PIGU: variants seen among roughly 807,000 people sequenced by gnomAD.
PIGU encodes GPI-anchor transamidase component PIGU.
A neutral mutation model predicts 49.9 loss-of-function variants in PIGU; 24 were observed. The ratio of observed to expected loss-of-function variants is 0.48; its 90% CI spans 0.35 to 0.68. The LOEUF (loss-of-function observed/expected upper bound fraction) is 0.68, where lower values mean the gene tolerates loss of function less well. Among genes scored for constraint, PIGU ranks in the 30% least tolerant of loss-of-function variants. The pLI, the probability that PIGU is intolerant of heterozygous loss-of-function variation, is 0.01. For missense variants in PIGU, 490 were observed against 532.6 expected, an observed-to-expected ratio of 0.92 and a Z score of 0.79; for synonymous variants, 220 against 205.7, an observed-to-expected ratio of 1.07 and a Z score of -0.59.
At chr20:34,592,326 C>T (rs1247216635) in intron 7 of PIGU, among the ~76,000 whole-genome samples, 1 of 146,444 alleles carries the variant, frequency 6.8e-6, no homozygotes, top group Non-Finnish European at 1.5e-5. Flanking sequence ...TAATAAAGAA[C>T]AGAATTTGTT....
chr20:34,578,528 C>T (rs766349408), intron 10 of PIGU, among the ~76,000 whole-genome samples: 1 of 152,202 alleles, frequency 6.6e-6, no homozygotes, highest in Non-Finnish European at 1.5e-5. Flanking sequence ...TCTGTGCCTC[C>T]AGCCAGGGAC....
chr20:34,646,151 A>T (rs1189352677), intron 2 of PIGU, among the ~76,000 whole-genome samples: 1 of 152,084 alleles, frequency 6.6e-6, no homozygotes, highest in East Asian at 1.9e-4. Context: ...GGGAAAATTC[A>T]CTCACTGTGA....
chr20:34,671,756 C>T (rs1987312274), intron 1 of PIGU, among the ~76,000 whole-genome samples: 1 of 151,800 alleles, frequency 6.6e-6, no homozygotes, highest in Admixed American at 6.6e-5. Context: ...CCCATCTCTA[C>T]TAAAAACACA....
intron 6 of PIGU, among the ~76,000 whole-genome samples, chr20:34,619,477 T>G (rs2146744525): frequency 6.6e-6 from 1 of 152,298 alleles, no homozygotes; most frequent in Non-Finnish European, 1.5e-5. Flanking sequence ...AATAACTTTT[T>G]AACTTAACCT....
At chr20:34,637,306 C>T (rs1985998283) in intron 5 of PIGU, among the ~76,000 whole-genome samples, 1 of 152,144 alleles carries the variant, frequency 6.6e-6, no homozygotes, top group African/African-American at 2.4e-5. Context: ...AATAATTATT[C>T]ACATTTGCCT....
rs1195194408 is a variant in PIGU, at chr20:34,634,694, C to T, written c.450G>A (p.Thr150=). The change falls in exon 6 of 12, where the codon ACG becomes ACA. Residue 150 remains threonine, a synonymous_variant. Coordinates refer to ENST00000217446, the MANE Select transcript of PIGU (RefSeq NM_080476.5). The part of the protein sequence containing the change: ...VALFYLLNPY[T]ILSCVAKSTC... ...TAGACTTGGCAACACAAGACAAAAT[C>T]GTGTAAGGATTTAAGAGATAGCTGG... 1 of 1,612,310 alleles carries T rather than the reference C, an allele frequency of 6.2e-7. No individual in the cohort carries two copies. Among genetic ancestry groups the T allele is most frequent in the South Asian group, 1.1e-5 (1 of 91,028 alleles).
intron 10 of PIGU, among the ~76,000 whole-genome samples, chr20:34,580,837 C>T (rs1363916780): frequency 6.6e-6 from 1 of 151,904 alleles, no homozygotes; most frequent in Non-Finnish European, 1.5e-5. Flanking sequence ...CTAGGCAGCA[C>T]AGATAGGTCA....
chr20:34,662,278 A>G (rs755467073), intron 1 of PIGU, among the ~76,000 whole-genome samples: 27 of 151,650 alleles, frequency 1.8e-4, no homozygotes, highest in Middle Eastern at 6.8e-3. Context: ...TCACCATGTT[A>G]CTCAGGCTGG....
chr20:34,644,151 A>G lies in PIGU; in HGVS notation c.318+13T>C, dbSNP rs1178940243. The G allele has an allele frequency of 1.1e-5, 17 of 1,598,518 alleles. No individual in the cohort carries two copies. Among genetic ancestry groups the G allele is most frequent in the African/African-American group, 2.7e-5 (2 of 74,584 alleles). On this transcript the variant is annotated intron_variant, in intron 4 of 11. Transcript: ENST00000217446. ...AAATTCCACCAGCTTTGCTCCACCC[A>G]CAAACTACTTACCACAACTTTATTG... is the stretch of plus-strand genomic sequence containing the variant.
intron 11 of PIGU, among the ~76,000 whole-genome samples, chr20:34,570,310 A>G (rs1982950230): frequency 6.6e-6 from 1 of 152,268 alleles, no homozygotes. Context: ...ATGTAAATGC[A>G]CACAGAATGG....
intron 6 of PIGU, 59 bp from the exon 7 acceptor site, chr20:34,616,198 G>C: frequency 6.4e-7 from 1 of 1,566,068 alleles, no homozygotes; most frequent in South Asian, 1.2e-5. Context: ...ATTAGACTCA[G>C]CAAGTCCCTC....
chr20:34,675,648 C>T (rs114087354), intron 1 of PIGU, among the ~76,000 whole-genome samples: 1 of 152,074 alleles, frequency 6.6e-6, no homozygotes, highest in Non-Finnish European at 1.5e-5. Flanking sequence ...TTTTTAGAAA[C>T]CTTAACTCTA....
intron 6 of PIGU, among the ~76,000 whole-genome samples, chr20:34,625,424 A>G (rs1385422728): frequency 1.3e-5 from 2 of 151,924 alleles, no homozygotes; most frequent in Non-Finnish European, 2.9e-5. Flanking sequence ...AAGGAAATAA[A>G]ACTCACCCAT....
At chr20:34,606,535 T>C (rs1600622803) in intron 7 of PIGU, among the ~76,000 whole-genome samples, 1 of 152,194 alleles carries the variant, frequency 6.6e-6, no homozygotes, top group South Asian at 2.1e-4. Flanking sequence ...TGTGGTGTCA[T>C]TGAACTCGTT....
chr20:34,565,981 A>G (rs1982746109), intron 11 of PIGU, among the ~76,000 whole-genome samples: 2 of 151,604 alleles, frequency 1.3e-5, no homozygotes, highest in African/African-American at 4.9e-5. Flanking sequence ...AGGTGCACAC[A>G]TACATGCAAG....
rs189974543 is a variant in PIGU at position 34,674,290 on chromosome 20, G to T, written c.130+2666C>A. Among the ~76,000 whole-genome samples the T allele has an allele frequency of 7.0e-3, 1,072 of 152,112 alleles. 8 individuals carry two copies. Among genetic ancestry groups the T allele is most frequent in the African/African-American group, 0.024 (1,006 of 41,478 alleles). On this transcript the variant is annotated intron_variant, in intron 1 of 11. Transcript: ENST00000217446. Reference sequence around the variant, plus strand: ...TAACAGCCTGAACCTGGGAGGCGGAGGTTGCAGTGAGCCGAGATCGCGCCA... The same window carrying T: ...TAACAGCCTGAACCTGGGAGGCGGATGTTGCAGTGAGCCGAGATCGCGCCA...
At chr20:34,572,032 G>C (rs1053941032) in intron 11 of PIGU, among the ~76,000 whole-genome samples, 6 of 152,092 alleles carry the variant, frequency 3.9e-5, no homozygotes, top group African/African-American at 1.4e-4. Flanking sequence ...CTGCCTGAAG[G>C]GCAGCTTGGA....
chr20:34,594,753 G>A lies in PIGU; in HGVS notation c.628-6146C>T, dbSNP rs553254250. ...CGTGCTATTGCACTCCAGCTTGGGTGACAAGAGCCAAACTCTGTCGCTAAA... is the reference window on the plus strand; with the variant it reads ...CGTGCTATTGCACTCCAGCTTGGGTAACAAGAGCCAAACTCTGTCGCTAAA... On this transcript the variant is annotated intron_variant, in intron 7 of 11. Transcript: ENST00000217446. Among the ~76,000 whole-genome samples, 17 of 151,908 alleles carry A rather than the reference G, an allele frequency of 1.1e-4. No homozygotes were observed. In the East Asian group the frequency reaches 1.5e-3, roughly 14 times the overall value.
At chr20:34,579,280 C>T (rs1983362838) in intron 10 of PIGU, 1 of 152,168 alleles carries the variant, frequency 6.6e-6, no homozygotes, top group Non-Finnish European at 1.5e-5. Flanking sequence ...GTTCTGCCAG[C>T]AGGCTGTTCC....
Sources: gnomAD v4.1 joint callset for allele counts (sites outside exome capture counted in the v4.1 genomes callset) on GRCh38, gnomAD v4.1.1 for gene constraint, MANE v1.5 for transcripts, NCBI Gene and HGNC (gene_info 2026-07-23, HGNC 2026-07-21) for gene names.